The following ZNF638 variants were observed in gnomAD, a reference collection of about 807,000 sequenced individuals.
ZNF638 encodes the protein zinc finger protein 638, also known as CTCL tumor antigen se33-1.
ZNF638 carries 46 observed loss-of-function variants against 195.6 expected under a neutral mutation model. That is an observed-to-expected ratio of 0.24 (90% CI 0.19 to 0.30). The LOEUF is 0.30. Among genes scored for constraint, ZNF638 ranks in the 10% least tolerant of loss-of-function variants. The pLI is 1.00. For synonymous variants in ZNF638, 845 were observed against 772.0 expected (o/e 1.09, Z -1.57); for missense variants, 2,440 against 2,325.3 (o/e 1.05, Z -1.01).
chr2:71,366,107 T>C (rs1238615600), intron 6 of ZNF638, among the ~76,000 whole-genome samples: 4 of 152,204 alleles, frequency 2.6e-5, no homozygotes, highest in African/African-American at 9.7e-5. Flanking sequence ...CCCAGCACTT[T>C]GGGAGGCCAA....
chr2:71,336,385 A>AC lies in ZNF638; in HGVS notation c.-203+4510_-203+4511insC, dbSNP rs2078669675. ...AAATTCCATCTCCAAAAAAAAAAAA[A>AC]AAAAAAAAAAAAAAACCAAAAAAAC... is the stretch of plus-strand genomic sequence containing the variant. On this transcript the variant is annotated intron_variant, in intron 1 of 27. Coordinates refer to ENST00000264447, the MANE Select transcript of ZNF638 (RefSeq NM_014497.5). Among the ~76,000 whole-genome samples the AC allele has an allele frequency of 4.4e-5, 4 of 90,270 alleles. No homozygotes were observed. In the South Asian group the frequency reaches 8.5e-4, roughly 19 times the overall value. The allele number at this position is 90,270 out of a possible 152,430, so 59.2% of individuals were successfully genotyped here. A position where few individuals can be genotyped will look rare whatever the true frequency, so the allele number is the denominator to read the frequency against.
At chr2:71,368,261 AAT>A in intron 6 of ZNF638, 119 bp from the exon 7 acceptor site, 1 of 884,222 alleles carries the variant, frequency 1.1e-6, no homozygotes, top group Non-Finnish European at 1.6e-6. Flanking sequence ...ATGGGTAAAA[AAT>A]ATGGAAAAGA....
chr2:71,336,026 CT>C (rs2104074671), intron 1 of ZNF638, among the ~76,000 whole-genome samples: 1 of 152,294 alleles, frequency 6.6e-6, no homozygotes, highest in African/African-American at 2.4e-5. Context: ...TTTAGATAAT[CT>C]TTTGCTTCAT....
Position 71,400,475 on chromosome 2 carries a change from A to C in ZNF638, c.2657-3A>C. The C allele has an allele frequency of 2.3e-5, 37 of 1,603,790 alleles. No homozygotes were observed. Among genetic ancestry groups the C allele is most frequent in the Non-Finnish European group, 3.1e-5 (37 of 1,176,856 alleles). On this transcript the variant is annotated splice_polypyrimidine_tract_variant and splice_region_variant and intron_variant, in intron 14 of 27. Coordinates refer to ENST00000264447, the MANE Select transcript of ZNF638 (RefSeq NM_014497.5). ...ATTGTTTTTAATTTTATTTTGTATT[A>C]AGATGCTGCTTTGGAGGCCACAGAG...
chr2:71,382,682 G>C (rs1046491411), intron 10 of ZNF638, among the ~76,000 whole-genome samples: 1 of 152,196 alleles, frequency 6.6e-6, no homozygotes, highest in Admixed American at 6.5e-5. Context: ...AGGCATGGCT[G>C]TCCCCAGACA....
At position 71,363,209 on chromosome 2, in the gene ZNF638, T is replaced by C; in HGVS notation, c.1418+18T>C. The C allele has an allele frequency of 6.6e-7, 1 of 1,525,726 alleles. No individual in the cohort carries two copies. The highest frequency in any genetic ancestry group is 9.0e-7 in the Non-Finnish European group (1 of 1,114,304). The allele number at this position is 1,525,726 out of a possible 1,614,324, so 94.5% of individuals were successfully genotyped here. A position where few individuals can be genotyped will look rare whatever the true frequency, so the allele number is the denominator to read the frequency against. Reference sequence around the variant, plus strand: ...TCGAGAAGGTAATTTTTAAAAATAGTAATATTATTAAAACCTGATTGTCTT... The same window carrying C: ...TCGAGAAGGTAATTTTTAAAAATAGCAATATTATTAAAACCTGATTGTCTT... On this transcript the variant is annotated intron_variant, in intron 4 of 27. Transcript: ENST00000264447.
rs1459741125 is a variant in ZNF638, at chr2:71,398,781, A to G, written c.2500+9A>G. On this transcript the variant is annotated intron_variant, in intron 12 of 27. Transcript: ENST00000264447. Reference sequence around the variant, plus strand: ...AGCTTCAATCAAAACAGGTAAGACTATTGGGGAGGAGAGATTTTATTGTTT... The same window carrying G: ...AGCTTCAATCAAAACAGGTAAGACTGTTGGGGAGGAGAGATTTTATTGTTT... 3 of 1,600,248 alleles carry G rather than the reference A, an allele frequency of 1.9e-6. No individual in the cohort carries two copies. Among genetic ancestry groups the G allele is most frequent in the Non-Finnish European group, 2.6e-6 (3 of 1,170,524 alleles).
Position 71,350,189 on chromosome 2 carries a change from T to C in ZNF638, c.1235T>C (p.Met412Thr), listed in dbSNP as rs780195032. The C allele has an allele frequency of 1.2e-6, 2 of 1,611,698 alleles. No individual in the cohort carries two copies. Among genetic ancestry groups the C allele is most frequent in the East Asian group, 4.5e-5 (2 of 44,888 alleles). The change falls in exon 2 of 28, where the codon ATG (methionine) becomes ACG (threonine). Residue 412 changes from methionine to threonine, a missense_variant. Physicochemically the swap from Met to Thr is moderately conservative, Grantham distance 81. This residue lies in a region of ZNF638 where 305 missense variants were observed against 283.6 expected (regional missense o/e 1.08). Transcript: ENST00000264447. ...ATGAAGAGACTTCCAACTCCTTCTATGATGAATGATTATTATGCAGCATCT... is the reference window on the plus strand; with the variant it reads ...ATGAAGAGACTTCCAACTCCTTCTACGATGAATGATTATTATGCAGCATCT... ...QKMKRLPTPS[M>T]MNDYYAASPR...
At chr2:71,332,013 A>G (rs2078578372) in intron 1 of ZNF638, 138 bp downstream of exon 1, 2 of 709,278 alleles carry the variant, frequency 2.8e-6, no homozygotes, top group South Asian at 1.3e-4. Context: ...GGCGGCGGGC[A>G]GACGGCGGGG....
Position 71,398,731 on chromosome 2 carries a change from T to C in ZNF638, c.2459T>C (p.Val820Ala). 1.9e-6 allele frequency: 3 copies of C among 1,613,464 alleles called. No individual in the cohort carries two copies. Among genetic ancestry groups the C allele is most frequent in the Non-Finnish European group, 1.7e-6 (2 of 1,179,558 alleles). The change falls in exon 12 of 28, where the codon GTA becomes GCA. Residue 820 changes from valine to alanine, a missense_variant. Physicochemically the swap from Val to Ala is moderately conservative, Grantham distance 64. Around this residue, in one of 5 missense-constraint regions of ZNF638, gnomAD observed 1,883 missense variants for 1,739.1 expected, o/e 1.08. Transcript: ENST00000264447. ...TCAGCAAGTTCTGTAAAATCTGTGG[T>C]AACGGTAGCTGTTAAAGGTAATAAA... ...GKSASSVKSVVTVAVKGNKAS... is the reference protein window; with the variant it reads ...GKSASSVKSVATVAVKGNKAS...
chr2:71,387,603 G>A (rs1423610947), intron 10 of ZNF638, among the ~76,000 whole-genome samples: 1 of 151,930 alleles, frequency 6.6e-6, no homozygotes, highest in Non-Finnish European at 1.5e-5. Context: ...CCTGGGAGGT[G>A]GAGGTTGTAA....
chr2:71,376,034 A>G (rs1293303900), intron 8 of ZNF638: 4 of 152,214 alleles, frequency 2.6e-5, no homozygotes, highest in Admixed American at 2.6e-4. Context: ...ATAGGTAAGG[A>G]TACATTTAAG....
Position 71,427,071 on chromosome 2 carries a change from T to C in ZNF638, c.5202T>C (p.Val1734=), listed in dbSNP as rs1287567413. ...SQVPEDPSTL[V]TVDEIQDDSS... ...TGCCCGAAGACCCTTCTACTTTAGT[T>C]ACTGTAGATGAAATACAAGATGACA... The change falls in exon 24 of 28, where the codon GTT becomes GTC. Residue 1734 remains valine (V), a synonymous_variant. Coordinates refer to ENST00000264447, the MANE Select transcript of ZNF638 (RefSeq NM_014497.5). 1 of 1,614,158 alleles carries C rather than the reference T, an allele frequency of 6.2e-7. No individual in the cohort carries two copies. The highest frequency in any genetic ancestry group is 8.5e-7 in the Non-Finnish European group (1 of 1,180,004).
At chr2:71,372,308 A>G (rs747306749) in intron 8 of ZNF638, among the ~76,000 whole-genome samples, 1 of 152,154 alleles carries the variant, frequency 6.6e-6, no homozygotes, top group East Asian at 1.9e-4. Flanking sequence ...TTGCCAAGAA[A>G]TTCAGATTCT....
At chr2:71,338,021 G>T (rs1184936264) in intron 1 of ZNF638, among the ~76,000 whole-genome samples, 2 of 152,214 alleles carry the variant, frequency 1.3e-5, no homozygotes, top group East Asian at 1.9e-4. Context: ...GAAAAATCAC[G>T]TAACTAATGC....
At chr2:71,357,025 G>A (rs890049007) in intron 3 of ZNF638, among the ~76,000 whole-genome samples, 9 of 152,162 alleles carry the variant, frequency 5.9e-5, no homozygotes, top group African/African-American at 2.2e-4. Flanking sequence ...TAAGTGATCT[G>A]TATAGCTGGC....
At position 71,368,417 on chromosome 2, in the gene ZNF638, T is replaced by G. The variant is rs772723316; in HGVS notation, c.2031T>G (p.Val677=). The G allele has an allele frequency of 1.2e-6, 2 of 1,613,118 alleles. No individual in the cohort carries two copies. Reference sequence around the variant, plus strand: ...AACAGTCATTGCATTATGGTTCGGTTCTTCTTATAACTGAATTACCAGAGG... The same window carrying G: ...AACAGTCATTGCATTATGGTTCGGTGCTTCTTATAACTGAATTACCAGAGG... The part of the protein sequence containing the change: ...RKEQSLHYGS[V]LLITELPEDG... Residue 677 remains valine (V), a synonymous_variant, in exon 7 of 28, where the codon GTT becomes GTG. Transcript: ENST00000264447.
rs181081991 is a variant in ZNF638 at position 71,434,670 on chromosome 2, C to T, written c.5872-72C>T. 564 of 1,211,558 alleles carry T rather than the reference C, an allele frequency of 4.7e-4. 4 individuals carry two copies. Among genetic ancestry groups the T allele is most frequent in the Middle Eastern group, 2.7e-3 (14 of 5,220 alleles). 75.1% of individuals were successfully genotyped at this position (1,211,558 alleles called of 1,614,324 possible). A position where few individuals can be genotyped will look rare whatever the true frequency, so the allele number is the denominator to read the frequency against. ...CAGTTTCTTTTAAATTATAAATATACAGTAGATAAGTTTGCACACATAGCA... is the reference window on the plus strand; with the variant it reads ...CAGTTTCTTTTAAATTATAAATATATAGTAGATAAGTTTGCACACATAGCA... On this transcript the variant is annotated intron_variant, in intron 27 of 27. Transcript: ENST00000264447.
chr2:71,364,036 T>C lies in ZNF638; in HGVS notation c.1501T>C (p.Ser501Pro), dbSNP rs749745184. The change falls in exon 5 of 28, where the codon TCA becomes CCA. Residue 501 changes from serine (S) to proline (P), a missense_variant. Around this residue, in one of 5 missense-constraint regions of ZNF638, gnomAD observed 1,883 missense variants for 1,739.1 expected, o/e 1.08. Transcript: ENST00000264447. The stretch of plus-strand genomic sequence containing the variant: ...TCCTAGGCGTTCTAGAAGATCAAGC[T>C]CAAGTCACAGATTCCGTCGGTCTCG... Reference protein sequence around the residue: ...PSPRRSRRSSSSHRFRRSRSP... With the variant: ...PSPRRSRRSSPSHRFRRSRSP... The C allele has an allele frequency of 3.1e-6, 5 of 1,614,160 alleles. No homozygotes were observed. The Admixed American group carries it at 6.7e-5, about 22-fold the overall frequency.
Sources: gnomAD v4.1 joint callset for allele counts (sites outside exome capture counted in the v4.1 genomes callset) on GRCh38, gnomAD v4.1.1 for gene constraint, gnomAD v4.1.1 regional missense constraint, MANE v1.5 for transcripts, NCBI Gene and HGNC (gene_info 2026-07-23, HGNC 2026-07-21) for gene names.